Variants in MAP4K1 observed in about 807,000 individuals in gnomAD.
MAP4K1 encodes mitogen-activated protein kinase kinase kinase kinase 1.
MAP4K1 carries 35 observed loss-of-function variants against 122.8 expected under a neutral mutation model. The ratio of observed to expected loss-of-function variants is 0.29; its 90% CI spans 0.22 to 0.38. The LOEUF (loss-of-function observed/expected upper bound fraction) is 0.38, where lower values mean the gene tolerates loss of function less well. Ranked by LOEUF, MAP4K1 falls within the 10% of genes least tolerant of loss-of-function variation. The pLI, the probability that MAP4K1 is intolerant of heterozygous loss-of-function variation, is 1.00. For synonymous variants in MAP4K1, 412 were observed against 421.3 expected (o/e 0.98, Z 0.27); for missense variants, 791 against 1,072.6 (o/e 0.74, Z 3.67).
At chr19:38,616,463 TG>T (rs1975650488) in intron 3 of MAP4K1, among the ~76,000 whole-genome samples, 1 of 152,074 alleles carries the variant, frequency 6.6e-6, no homozygotes, top group Non-Finnish European at 1.5e-5. Context: ...AGAGAGGAAA[TG>T]TGAGTTCCGG....
rs181443847 is a variant in MAP4K1, at chr19:38,588,482, G to C, written c.2397-665C>G. 5.0e-4 allele frequency among the ~76,000 whole-genome samples: 76 copies of C among 152,216 alleles called. No individual in the cohort carries two copies. In the East Asian group the frequency reaches 0.014, roughly 27 times the overall value. On this transcript the variant is annotated intron_variant, in intron 30 of 30. Coordinates refer to ENST00000396857, the MANE Select transcript of MAP4K1 (RefSeq NM_001042600.3). ...AAGGGGGGCAGATCACTTGAGGTCA[G>C]GAGTTCAAGACCAGCCTGGCCAATA...
rs531344324 is a variant in MAP4K1 at position 38,601,465 on chromosome 19, C to A, written c.1507G>T (p.Ala503Ser). ...GCPLRIHSTA[A>S]WTHPSTKDQH... is the part of the protein sequence containing the mutation. ...CCCTTGGTGGAGGGATGTGTCCAGGCGGCCGTGCTGTGGATCCGGAGGGGG... is the reference window on the plus strand; with the variant it reads ...CCCTTGGTGGAGGGATGTGTCCAGGAGGCCGTGCTGTGGATCCGGAGGGGG... The change falls in exon 20 of 31, where the codon GCC becomes TCC. Residue 503 changes from alanine to serine, a missense_variant. Coordinates refer to ENST00000396857, the MANE Select transcript of MAP4K1 (RefSeq NM_001042600.3). The A allele has an allele frequency of 1.2e-6, 2 of 1,609,782 alleles. No homozygotes were observed. Among genetic ancestry groups the A allele is most frequent in the Non-Finnish European group, 1.7e-6 (2 of 1,178,302 alleles).
In MAP4K1 at chr19:38,590,415, AT is replaced by A. The variant is rs1568618980; in HGVS notation, c.2397-2599del. Among the ~76,000 whole-genome samples, 4 of 89,480 alleles carry A rather than the reference AT, an allele frequency of 4.5e-5. 1 individual carries two copies. The highest frequency in any genetic ancestry group is 1.6e-4 in the African/African-American group (4 of 25,086). The allele number at this position is 89,480 out of a possible 152,430, so 58.7% of individuals were successfully genotyped here. ...AAAAAATATATATATATATATATAT[AT>A]ATATATATATATATATATATAATCA... is the stretch of plus-strand genomic sequence containing the variant. On this transcript the variant is annotated intron_variant, in intron 30 of 30. Coordinates refer to ENST00000396857, the MANE Select transcript of MAP4K1 (RefSeq NM_001042600.3).
In MAP4K1 at chr19:38,609,657, A is replaced by C. The variant is rs56072295; in HGVS notation, c.945T>G (p.Pro315=). The change falls in exon 13 of 31, where the codon CCT becomes CCG. Residue 315 remains proline (P), a synonymous_variant. Coordinates refer to ENST00000396857, the MANE Select transcript of MAP4K1 (RefSeq NM_001042600.3). The part of the protein sequence containing the change: ...DEEPELPPAI[P]RRIRSTHRSS... ...AGCGGTGGGTGGATCTGATCCGCCG[A>C]GGGATAGCAGGGGGTAGCTGGGCAG... is the stretch of plus-strand genomic sequence containing the variant. The C allele has an allele frequency of 0.012, 18,851 of 1,613,072 alleles. 154 individuals carry two copies. The highest frequency in any genetic ancestry group is 0.024 in the Middle Eastern group (147 of 6,046).
At chr19:38,607,730 G>A (rs58964344) in intron 16 of MAP4K1, 134 bp downstream of exon 16, 30,639 of 956,836 alleles carry the variant, frequency 0.032, 855 homozygotes, top group Admixed American at 0.1. Flanking sequence ...GTCTAATCAG[G>A]GCTCAGGGCT....
intron 25 of MAP4K1, among the ~76,000 whole-genome samples, 153 bp from the exon 26 acceptor site, chr19:38,596,639 C>T (rs928447480): frequency 5.9e-5 from 9 of 152,126 alleles, no homozygotes; most frequent in African/African-American, 1.9e-4. Flanking sequence ...CTGGTGCCTC[C>T]GCGGGAACGG....
At chr19:38,603,267 CAT>C (rs1288809244) in intron 19 of MAP4K1, among the ~76,000 whole-genome samples, 1 of 140,306 alleles carries the variant, frequency 7.1e-6, no homozygotes, top group Admixed American at 7.2e-5. Context: ...TACGCATATA[CAT>C]ATATACACAT....
At chr19:38,600,755 A>G (rs1021190916) in intron 20 of MAP4K1, among the ~76,000 whole-genome samples, 1 of 149,422 alleles carries the variant, frequency 6.7e-6, no homozygotes, top group Non-Finnish European at 1.5e-5. Context: ...TGGCCCCTGA[A>G]TTCCAATATT....
At chr19:38,592,119 T>A (rs1432341477) in intron 30 of MAP4K1, among the ~76,000 whole-genome samples, 1 of 151,398 alleles carries the variant, frequency 6.6e-6, no homozygotes, top group Non-Finnish European at 1.5e-5. Context: ...AAAAAAATTT[T>A]AAAAATTAGC....
chr19:38,601,857 A>C (rs1312963235), intron 19 of MAP4K1, among the ~76,000 whole-genome samples: 1 of 151,874 alleles, frequency 6.6e-6, no homozygotes, highest in African/African-American at 2.4e-5. Context: ...AGCTCACTAC[A>C]ACCTCTGCTT....
intron 30 of MAP4K1, among the ~76,000 whole-genome samples, chr19:38,591,001 A>G (rs1032479461): frequency 5.3e-5 from 8 of 150,564 alleles, no homozygotes; most frequent in African/African-American, 2.0e-4. Flanking sequence ...ACACACACAC[A>G]TATACTTGTA....
intron 14 of MAP4K1, 32 bp downstream of exon 14, chr19:38,608,080 G>C: frequency 1.9e-6 from 3 of 1,562,570 alleles, no homozygotes; most frequent in Non-Finnish European, 2.6e-6. Context: ...GAAGCAGGCG[G>C]TGTGGTGGGG....
chr19:38,596,205 G>A, intron 26 of MAP4K1, 107 bp downstream of exon 26: 2 of 1,419,862 alleles, frequency 1.4e-6, no homozygotes, highest in South Asian at 2.8e-5. Context: ...CGCCCTTCCA[G>A]CCCTTTCTCA....
intron 26 of MAP4K1, 103 bp from the exon 27 acceptor site, chr19:38,596,104 ACAAG>A (rs1974868087): frequency 1.4e-6 from 2 of 1,380,696 alleles, no homozygotes; most frequent in South Asian, 2.3e-5. Context: ...GCCTCAGTTC[ACAAG>A]CAAGTGGGCT....
chr19:38,607,000 G>A (rs1975347950), intron 16 of MAP4K1, among the ~76,000 whole-genome samples: 1 of 152,168 alleles, frequency 6.6e-6, no homozygotes, highest in South Asian at 2.1e-4. Flanking sequence ...GAGATTTCCA[G>A]GTGCCAAGGT....
chr19:38,616,206 T>G lies in MAP4K1; in HGVS notation c.302A>C (p.Asp101Ala). The G allele has an allele frequency of 6.2e-7, 1 of 1,613,602 alleles. No homozygotes were observed. Among genetic ancestry groups the G allele is most frequent in the Non-Finnish European group, 8.5e-7 (1 of 1,179,880 alleles). The change falls in exon 4 of 31, where the codon GAC (aspartate) becomes GCC (alanine). Residue 101 changes from aspartate (D) to alanine (A), a missense_variant. Transcript: ENST00000396857. ...GTCCTTTCTCTAACCTTGGTAGATG[T>G]CCTGGAGAGAACCAGCCCCACAGAA... ...MEFCGAGSLQ[D>A]IYQVTGSLSE...
intron 19 of MAP4K1, among the ~76,000 whole-genome samples, chr19:38,602,805 T>C (rs536641948): frequency 5.4e-5 from 7 of 129,696 alleles, no homozygotes; most frequent in Admixed American, 1.9e-4. Context: ...CACATACATA[T>C]ATACATATAT....
rs1975681572 is a variant in MAP4K1 at position 38,617,456 on chromosome 19, G to C, written c.158-12C>G. 1.2e-6 allele frequency: 2 copies of C among 1,606,934 alleles called. No homozygotes were observed. The highest frequency in any genetic ancestry group is 2.7e-5 in the African/African-American group (2 of 74,732). ...GGAGACATCATCATCTGTGAGGAGGGCGGGAGAGAAAAGGCAGCTCGCATG... is the reference window on the plus strand; with the variant it reads ...GGAGACATCATCATCTGTGAGGAGGCCGGGAGAGAAAAGGCAGCTCGCATG... On this transcript the variant is annotated splice_polypyrimidine_tract_variant and intron_variant, in intron 2 of 30. Transcript: ENST00000396857. This position sits in a 1 kb window ranked among gnomAD's most constrained non-coding sequence, Gnocchi z 4.1.
chr19:38,609,627 G>A lies in MAP4K1; in HGVS notation c.975C>T (p.Ser325=), dbSNP rs778470265. 7.4e-6 allele frequency: 12 copies of A among 1,613,840 alleles called. No homozygotes were observed. Among genetic ancestry groups the A allele is most frequent in the Admixed American group, 1.7e-5 (1 of 59,972 alleles). The stretch of plus-strand genomic sequence containing the variant: ...AGTCTGCATCTGGGATCCCCAGAGA[G>A]CTGGAGCGGTGGGTGGATCTGATCC... ...PRRIRSTHRS[S]SLGIPDADCC... Residue 325 remains serine (S), a synonymous_variant, in exon 13 of 31, where the codon AGC becomes AGT. Transcript: ENST00000396857.
Sources: gnomAD v4.1 joint callset for allele counts (sites outside exome capture counted in the v4.1 genomes callset) on GRCh38, gnomAD v4.1.1 for gene constraint, Gnocchi (gnomAD v3.1) non-coding constraint, MANE v1.5 for transcripts, NCBI Gene and HGNC (gene_info 2026-07-23, HGNC 2026-07-21) for gene names.